The following CPNE8 variants were observed in gnomAD, a reference collection of about 807,000 sequenced individuals.
CPNE8 encodes the protein copine-8.
A neutral mutation model predicts 81.5 loss-of-function variants in CPNE8; 45 were observed. That is an observed-to-expected ratio of 0.55 (90% confidence interval 0.44 to 0.71). The LOEUF is 0.71. Ranked by LOEUF, CPNE8 falls within the 30% of genes least tolerant of loss-of-function variation. CPNE8 has a pLI of 0.00. For missense variants in CPNE8, 594 were observed against 672.1 expected (o/e 0.88, Z 1.28); for synonymous variants, 252 against 226.3 (o/e 1.11, Z -1.02).
chr12:38,857,145 T>C (rs1465763791), intron 3 of CPNE8, among the ~76,000 whole-genome samples: 1 of 152,172 alleles, frequency 6.6e-6, no homozygotes, highest in Non-Finnish European at 1.5e-5. Context: ...TACTGATTCA[T>C]ATAGCAAAAC....
At chr12:38,819,975 A>T (rs1943087758) in intron 6 of CPNE8, among the ~76,000 whole-genome samples, 1 of 152,172 alleles carries the variant, frequency 6.6e-6, no homozygotes, top group South Asian at 2.1e-4. Context: ...GAATCATCAA[A>T]CTATGCCATA....
intron 3 of CPNE8, among the ~76,000 whole-genome samples, chr12:38,863,148 C>A (rs12422883): frequency 0.081 from 12,328 of 152,154 alleles, 640 homozygotes; most frequent in East Asian, 0.28. Context: ...AAAAAAGGGA[C>A]ATCATGATAG....
Position 38,663,094 on chromosome 12 carries a change from T to C in CPNE8, c.1506+7635A>G, listed in dbSNP as rs548797052. ...CATGAGTAGGCAAAAATTGTATGAA[T>C]AAGGCCTCCAAACTTATGCAACAAA... is the stretch of plus-strand genomic sequence containing the variant. On this transcript the variant is annotated intron_variant, in intron 19 of 19. Coordinates refer to ENST00000331366, the MANE Select transcript of CPNE8 (RefSeq NM_153634.3). Among the ~76,000 whole-genome samples, 5 of 152,116 alleles carry C rather than the reference T, an allele frequency of 3.3e-5. No homozygotes were observed. The South Asian group carries it at 8.3e-4, about 25-fold the overall frequency.
chr12:38,874,333 T>C, intron 2 of CPNE8, 138 bp downstream of exon 2: 1 of 633,978 alleles, frequency 1.6e-6, no homozygotes, highest in Admixed American at 2.8e-5. Context: ...TGCCCGGGGT[T>C]GATGAGTATG....
At chr12:38,666,788 G>A (rs1939065649) in intron 19 of CPNE8, among the ~76,000 whole-genome samples, 1 of 152,124 alleles carries the variant, frequency 6.6e-6, no homozygotes, top group Non-Finnish European at 1.5e-5. Flanking sequence ...TACATGTTAA[G>A]AATCTTAGAA....
chr12:38,752,397 C>A (rs189293475), intron 10 of CPNE8, among the ~76,000 whole-genome samples: 1 of 152,238 alleles, frequency 6.6e-6, no homozygotes, highest in East Asian at 1.9e-4. Flanking sequence ...CACTGCTCAC[C>A]ATTTTCTGTG....
At chr12:38,844,017 C>T (rs1943514164) in intron 4 of CPNE8, among the ~76,000 whole-genome samples, 1 of 152,070 alleles carries the variant, frequency 6.6e-6, no homozygotes, top group Non-Finnish European at 1.5e-5. Flanking sequence ...GTTAAGGGAG[C>T]CCTTAACCAA....
intron 15 of CPNE8, 182 bp from the exon 16 acceptor site, chr12:38,685,799 G>A (rs1412471511): frequency 2.0e-6 from 1 of 491,900 alleles, no homozygotes; most frequent in East Asian, 3.7e-5. Flanking sequence ...AATCGATTAT[G>A]ATATATTATG....
chr12:38,884,286 T>C (rs541700041), intron 1 of CPNE8, among the ~76,000 whole-genome samples: 2 of 152,322 alleles, frequency 1.3e-5, no homozygotes, highest in South Asian at 4.1e-4. Context: ...AGAATCATGA[T>C]CATATACAAT....
chr12:38,709,428 G>A (rs145763926), intron 13 of CPNE8, among the ~76,000 whole-genome samples: 1 of 152,282 alleles, frequency 6.6e-6, no homozygotes, highest in East Asian at 1.9e-4. Flanking sequence ...GCTAGAATGA[G>A]GGCAGGTTGT....
At position 38,905,537 on chromosome 12, in the gene CPNE8, T is replaced by C; in HGVS notation, c.-3A>G. On this transcript the variant is annotated 5_prime_UTR_variant, in exon 1 of 20. Coordinates refer to ENST00000331366, the MANE Select transcript of CPNE8 (RefSeq NM_153634.3). Reference sequence around the variant, plus strand: ...GTGCTGTTGTAGCGGCTGTCCATATTGGGAGGAGGCGCCTTGGACTTGTCC... The same window carrying C: ...GTGCTGTTGTAGCGGCTGTCCATATCGGGAGGAGGCGCCTTGGACTTGTCC... 6.4e-7 allele frequency: 1 copy of C among 1,559,364 alleles called. No homozygotes were observed. The highest frequency in any genetic ancestry group is 2.4e-5 in the East Asian group (1 of 42,274).
chr12:38,776,769 A>G (rs759683941), intron 6 of CPNE8, among the ~76,000 whole-genome samples: 5 of 152,148 alleles, frequency 3.3e-5, no homozygotes, highest in Admixed American at 2.0e-4. Context: ...TTGCATATAC[A>G]TTGGTGGCCC....
intron 6 of CPNE8, among the ~76,000 whole-genome samples, chr12:38,782,531 G>A (rs969533274): frequency 6.6e-6 from 1 of 152,070 alleles, no homozygotes; most frequent in African/African-American, 2.4e-5. Context: ...TTCCAACAAT[G>A]TCTCCAACTT....
intron 8 of CPNE8, 100 bp from the exon 9 acceptor site, chr12:38,762,316 T>C (rs1300935234): frequency 9.3e-6 from 5 of 537,200 alleles, no homozygotes; most frequent in South Asian, 3.8e-5. Flanking sequence ...TTCAGAATAG[T>C]CAGTTCCGCT....
At chr12:38,828,475 C>A (rs78744832) in intron 6 of CPNE8, among the ~76,000 whole-genome samples, 1 of 152,060 alleles carries the variant, frequency 6.6e-6, no homozygotes, top group Non-Finnish European at 1.5e-5. Context: ...CTAATAATTT[C>A]TTGCATAGCA....
intron 3 of CPNE8, among the ~76,000 whole-genome samples, chr12:38,850,116 C>T (rs73084066): frequency 0.14 from 21,198 of 152,048 alleles, 2,400 homozygotes; most frequent in African/African-American, 0.31. Context: ...GCAGTGCTCG[C>T]GTACTTCAAG....
At chr12:38,875,185 T>G (rs1290597358) in intron 1 of CPNE8, among the ~76,000 whole-genome samples, 1 of 152,182 alleles carries the variant, frequency 6.6e-6, no homozygotes, top group African/African-American at 2.4e-5. Context: ...ATTCCTCTGA[T>G]ACTAGTGTAT....
chr12:38,675,674 T>C, intron 18 of CPNE8, 43 bp downstream of exon 18: 1 of 1,231,072 alleles, frequency 8.1e-7, no homozygotes, highest in Non-Finnish European at 1.2e-6. Context: ...TACATTAGAT[T>C]AAATGAACTC....
intron 6 of CPNE8, among the ~76,000 whole-genome samples, chr12:38,784,998 C>A (rs992160279): frequency 3.9e-5 from 6 of 152,028 alleles, no homozygotes; most frequent in Admixed American, 2.0e-4. Flanking sequence ...TGTTTGAGAC[C>A]AGCCTGGCCA....
Sources: gnomAD v4.1 joint callset for allele counts (sites outside exome capture counted in the v4.1 genomes callset) on GRCh38, gnomAD v4.1.1 for gene constraint, MANE v1.5 for transcripts, NCBI Gene and HGNC (gene_info 2026-07-23, HGNC 2026-07-21) for gene names.